The following ERBB4 variants were observed in gnomAD, a reference collection of about 807,000 sequenced individuals.
ERBB4 encodes the protein erb-b2 receptor tyrosine kinase 4.
A neutral mutation model predicts 158.0 loss-of-function variants in ERBB4; 42 were observed. The ratio of observed to expected loss-of-function variants is 0.27; its 90% CI spans 0.21 to 0.34. The LOEUF (loss-of-function observed/expected upper bound fraction) is 0.34, where lower values mean the gene tolerates loss of function less well. Ranked by LOEUF, ERBB4 falls within the 10% of genes least tolerant of loss-of-function variation. The probability of loss-of-function intolerance (pLI) is 1.00; values close to 1 mark genes in which losing one functional copy is unlikely to be tolerated. For synonymous variants in ERBB4, 583 were observed against 558.7 expected (o/e 1.04, Z -0.61); for missense variants, 1,333 against 1,624.1 (o/e 0.82, Z 3.08).
At chr2:212,151,478 C>T (rs369185601) in intron 1 of ERBB4, among the ~76,000 whole-genome samples, 3 of 150,986 alleles carry the variant, frequency 2.0e-5, no homozygotes, top group South Asian at 2.1e-4. Context: ...TATATAAAAC[C>T]TCAATTAAAC....
At chr2:211,698,314 GA>G (rs780824731) in intron 12 of ERBB4, among the ~76,000 whole-genome samples, 7,914 of 87,968 alleles carry the variant, frequency 0.09, 260 homozygotes, top group African/African-American at 0.18. Flanking sequence ...CTCCGTCTCA[GA>G]AAAAAAAAAA....
At chr2:212,383,740 A>T (rs1051931522) in intron 1 of ERBB4, among the ~76,000 whole-genome samples, 1 of 151,682 alleles carries the variant, frequency 6.6e-6, no homozygotes, top group African/African-American at 2.4e-5. Context: ...GTAGTTGGGA[A>T]GCACAATTCA....
At chr2:212,189,118 C>G (rs1037441330) in intron 1 of ERBB4, among the ~76,000 whole-genome samples, 6 of 150,214 alleles carry the variant, frequency 4.0e-5, no homozygotes, top group African/African-American at 1.5e-4. Flanking sequence ...TTGCATAATA[C>G]CAGTTTAGCA....
intron 3 of ERBB4, among the ~76,000 whole-genome samples, chr2:211,872,090 T>TATTA (rs1553651712): frequency 1.9e-5 from 1 of 51,850 alleles, no homozygotes; most frequent in African/African-American, 4.8e-5. Flanking sequence ...ATGAATGAAT[T>TATTA]ATTAATTTTC....
At chr2:212,071,063 A>G (rs1424633663) in intron 2 of ERBB4, among the ~76,000 whole-genome samples, 1 of 151,968 alleles carries the variant, frequency 6.6e-6, no homozygotes, top group Non-Finnish European at 1.5e-5. Context: ...GCACTCTTGA[A>G]CAAGTCACTT....
At chr2:211,805,808 AT>A (rs1444116807) in intron 3 of ERBB4, among the ~76,000 whole-genome samples, 4 of 152,118 alleles carry the variant, frequency 2.6e-5, no homozygotes, top group Admixed American at 2.6e-4. Context: ...TACAAAAAAA[AT>A]TCTATTCTAT....
intron 1 of ERBB4, among the ~76,000 whole-genome samples, chr2:212,247,963 C>T (rs1385451272): frequency 6.6e-6 from 1 of 151,822 alleles, no homozygotes; most frequent in Admixed American, 6.6e-5. Context: ...GGCCTCATCT[C>T]AAAAATAAAA....
intron 20 of ERBB4, among the ~76,000 whole-genome samples, chr2:211,497,118 T>G (rs2125583602): frequency 6.6e-6 from 1 of 152,240 alleles, no homozygotes; most frequent in African/African-American, 2.4e-5. Context: ...GACTTATTAC[T>G]TACTTACATA....
intron 1 of ERBB4, among the ~76,000 whole-genome samples, chr2:212,256,238 T>C (rs1456606674): frequency 6.6e-6 from 1 of 152,166 alleles, no homozygotes; most frequent in Non-Finnish European, 1.5e-5. Flanking sequence ...AATAACATAG[T>C]AAATGAAAAT....
chr2:212,065,293 T>C (rs1575589054), intron 2 of ERBB4, among the ~76,000 whole-genome samples: 2 of 152,184 alleles, frequency 1.3e-5, no homozygotes, highest in South Asian at 2.1e-4. Context: ...TGTTCTCCTT[T>C]GTGAAATAAA....
chr2:211,932,581 G>A (rs2080207362), intron 3 of ERBB4, among the ~76,000 whole-genome samples: 1 of 151,760 alleles, frequency 6.6e-6, no homozygotes, highest in Non-Finnish European at 1.5e-5. Context: ...AGGGGGGAGT[G>A]TCCATCATTC....
At chr2:212,012,178 C>A (rs559476846) in intron 2 of ERBB4, among the ~76,000 whole-genome samples, 1 of 152,266 alleles carries the variant, frequency 6.6e-6, no homozygotes, top group South Asian at 2.1e-4. Context: ...TCTTTGGAAT[C>A]CTTTTCACAT....
At chr2:211,543,175 A>G (rs914954939) in intron 20 of ERBB4, among the ~76,000 whole-genome samples, 1 of 151,994 alleles carries the variant, frequency 6.6e-6, no homozygotes, top group Admixed American at 6.6e-5. Flanking sequence ...TAAATTGTTT[A>G]TCAGCCTTTT....
intron 22 of ERBB4, 36 bp from the exon 23 acceptor site, chr2:211,424,337 A>G: frequency 6.5e-7 from 1 of 1,534,372 alleles, no homozygotes; most frequent in Non-Finnish European, 9.0e-7. Context: ...TAAGCATATT[A>G]ACAACATATG....
intron 25 of ERBB4, among the ~76,000 whole-genome samples, chr2:211,417,043 A>T (rs2125395239): frequency 6.6e-6 from 1 of 152,314 alleles, no homozygotes; most frequent in East Asian, 1.9e-4. Context: ...GGTAATCTTC[A>T]TAATATTCCG....
intron 1 of ERBB4, among the ~76,000 whole-genome samples, chr2:212,167,984 G>A (rs1309295846): frequency 1.3e-5 from 2 of 151,558 alleles, no homozygotes; most frequent in African/African-American, 4.8e-5. Flanking sequence ...GGGTCAATAG[G>A]TGCAGCAAAC....
intron 25 of ERBB4, among the ~76,000 whole-genome samples, chr2:211,401,754 T>C (rs1364255593): frequency 1.3e-5 from 2 of 152,080 alleles, no homozygotes; most frequent in Non-Finnish European, 2.9e-5. Context: ...GAAAAGTGCT[T>C]AGATTGGCAA....
At chr2:211,557,133 G>T (rs950786509) in intron 20 of ERBB4, among the ~76,000 whole-genome samples, 4 of 152,100 alleles carry the variant, frequency 2.6e-5, no homozygotes, top group Admixed American at 2.6e-4. Context: ...CTTAAAGATT[G>T]CATTGTAAAA....
At chr2:212,218,676 A>G (rs895878985) in intron 1 of ERBB4, among the ~76,000 whole-genome samples, 2 of 151,378 alleles carry the variant, frequency 1.3e-5, no homozygotes, top group South Asian at 2.1e-4. Flanking sequence ...AAGTGAGTCT[A>G]TAGTATTCAT....
Sources: gnomAD v4.1 joint callset for allele counts (sites outside exome capture counted in the v4.1 genomes callset) on GRCh38, gnomAD v4.1.1 for gene constraint, MANE v1.5 for transcripts, NCBI Gene and HGNC (gene_info 2026-07-23, HGNC 2026-07-21) for gene names.